The following B3GLCT variants were observed in gnomAD, a reference collection of about 807,000 sequenced individuals.
B3GLCT encodes beta 3-glucosyltransferase, also known as beta-1,3-glucosyltransferase.
Under a neutral mutation model 63.4 loss-of-function variants are expected in B3GLCT, and 65 were observed. The observed-to-expected ratio is 1.03, with a 90% CI of 0.84 to 1.26. B3GLCT has a LOEUF of 1.26. Ranked by LOEUF, B3GLCT falls within the 50% of genes most tolerant of loss-of-function variation. The pLI is 0.00. For missense variants in B3GLCT, 577 were observed against 604.8 expected (o/e 0.95, Z 0.48); for synonymous variants, 233 against 219.2 (o/e 1.06, Z -0.55).
intron 14 of B3GLCT, among the ~76,000 whole-genome samples, chr13:31,326,075 C>G (rs1427849713): frequency 6.6e-6 from 1 of 152,100 alleles, no homozygotes; most frequent in Non-Finnish European, 1.5e-5. Context: ...GGTTGCTCAA[C>G]TCTGGAAATT....
At position 31,332,143 on chromosome 13, in the gene B3GLCT, TGAA is replaced by T. The variant is rs941628852; in HGVS notation, c.*2478_*2480del. 3 of 152,186 alleles carry T rather than the reference TGAA, an allele frequency of 2.0e-5. No individual in the cohort carries two copies. The highest frequency in any genetic ancestry group is 2.9e-5 in the Non-Finnish European group (2 of 68,008). 9.4% of individuals were successfully genotyped at this position (152,186 alleles called of 1,614,324 possible). On this transcript the variant is annotated 3_prime_UTR_variant, in exon 15 of 15. Transcript: ENST00000343307. ...GTGCTGTCTGCATTTCTGGGTTTAT[TGAA>T]GACCTCTTGTTGTATATATCCTCAA...
At chr13:31,311,022 G>A (rs1159290980) in intron 12 of B3GLCT, among the ~76,000 whole-genome samples, 7 of 152,240 alleles carry the variant, frequency 4.6e-5, no homozygotes, top group Non-Finnish European at 8.8e-5. Context: ...GCCCCGGCCA[G>A]AGGTGCAGCT....
intron 11 of B3GLCT, among the ~76,000 whole-genome samples, chr13:31,286,018 T>A (rs1873313920): frequency 6.6e-6 from 1 of 152,198 alleles, no homozygotes; most frequent in Non-Finnish European, 1.5e-5. Context: ...GTCATTAATA[T>A]AAGTTAATAT....
chr13:31,326,315 G>A (rs1367535645), intron 14 of B3GLCT, among the ~76,000 whole-genome samples: 5 of 95,486 alleles, frequency 5.2e-5, no homozygotes, highest in Admixed American at 1.8e-4. Context: ...ATGAAGTCTT[G>A]CTCTGTCACC....
At chr13:31,280,482 G>A (rs968150543) in intron 10 of B3GLCT, among the ~76,000 whole-genome samples, 1 of 152,160 alleles carries the variant, frequency 6.6e-6, no homozygotes, top group African/African-American at 2.4e-5. Context: ...AGAGTGGGGT[G>A]TACTGTTAAT....
intron 12 of B3GLCT, among the ~76,000 whole-genome samples, chr13:31,316,450 C>A (rs374361533): frequency 1.3e-4 from 5 of 37,132 alleles, no homozygotes; most frequent in Non-Finnish European, 3.3e-4. Context: ...TTTTTTGAGA[C>A]GGAGTTTCGC....
rs1047354805 is a variant in B3GLCT, at chr13:31,284,721, C to T, written c.924C>T (p.Ser308=). Residue 308 remains serine (S), a synonymous_variant, in exon 11 of 15, where the codon TCC becomes TCT. Coordinates refer to ENST00000343307, the MANE Select transcript of B3GLCT (RefSeq NM_194318.4). ...IEYYSDYTEN[S]IPTVDLGIPN... ...ACTATAGTGACTATACTGAAAATTC[C>T]ATTCCTACTGTGGATTTGGGAATTC... is the stretch of plus-strand genomic sequence containing the variant. 1 of 1,609,102 alleles carries T rather than the reference C, an allele frequency of 6.2e-7. No homozygotes were observed. The highest frequency in any genetic ancestry group is 8.5e-7 in the Non-Finnish European group (1 of 1,175,490).
chr13:31,219,463 C>G (rs185036283), intron 2 of B3GLCT, among the ~76,000 whole-genome samples: 12 of 152,320 alleles, frequency 7.9e-5, no homozygotes, highest in African/African-American at 2.9e-4. Flanking sequence ...ATTTGTGACA[C>G]ATTTAAAGTG....
intron 3 of B3GLCT, among the ~76,000 whole-genome samples, chr13:31,226,957 A>G (rs2137766674): frequency 6.6e-6 from 1 of 152,282 alleles, no homozygotes; most frequent in South Asian, 2.1e-4. Flanking sequence ...ATACTCATGT[A>G]ATCTTTTATA....
At chr13:31,279,553 G>A (rs1872960245) in intron 10 of B3GLCT, among the ~76,000 whole-genome samples, 1 of 152,166 alleles carries the variant, frequency 6.6e-6, no homozygotes, top group South Asian at 2.1e-4. Flanking sequence ...CGAATAGGGT[G>A]TGGGTCACAG....
intron 10 of B3GLCT, among the ~76,000 whole-genome samples, chr13:31,284,132 A>G (rs902668771): frequency 2.6e-5 from 4 of 152,192 alleles, no homozygotes; most frequent in Non-Finnish European, 4.4e-5. Flanking sequence ...TTTGAATGTT[A>G]GTACTTCCAC....
At chr13:31,224,572 G>A (rs1017461375) in intron 3 of B3GLCT, among the ~76,000 whole-genome samples, 9 of 152,050 alleles carry the variant, frequency 5.9e-5, no homozygotes, top group Admixed American at 1.3e-4. Flanking sequence ...TAGATTCAGG[G>A]CACCGAGAGC....
intron 11 of B3GLCT, among the ~76,000 whole-genome samples, chr13:31,286,181 C>G (rs1873321187): frequency 6.6e-6 from 1 of 152,186 alleles, no homozygotes; most frequent in South Asian, 2.1e-4. Context: ...GTTACTCTGT[C>G]TTACTCAGCA....
chr13:31,260,810 T>A, intron 6 of B3GLCT, 136 bp from the exon 7 acceptor site: 1 of 783,776 alleles, frequency 1.3e-6, no homozygotes, highest in Non-Finnish European at 2.1e-6. Context: ...TCACATTCTC[T>A]AGAAATATTT....
At chr13:31,319,685 T>C (rs765749799) in intron 13 of B3GLCT, among the ~76,000 whole-genome samples, 1 of 152,192 alleles carries the variant, frequency 6.6e-6, no homozygotes, top group Non-Finnish European at 1.5e-5. Context: ...GGTGATCTTA[T>C]GGCTTGATGC....
At chr13:31,323,712 A>G in intron 13 of B3GLCT, 39 bp from the exon 14 acceptor site, 1 of 1,613,320 alleles carries the variant, frequency 6.2e-7, no homozygotes, top group South Asian at 1.1e-5. Flanking sequence ...GTGTCTGTGG[A>G]GCTTCTCTAA....
rs577783560 is a variant in B3GLCT at position 31,246,932 on chromosome 13, T to C, written c.271-91T>C. 3.2e-5 allele frequency: 31 copies of C among 965,108 alleles called. No individual in the cohort carries two copies. The South Asian group carries it at 4.2e-4, about 13-fold the overall frequency. The allele number at this position is 965,108 out of a possible 1,614,324, so 59.8% of individuals were successfully genotyped here. A position where few individuals can be genotyped will look rare whatever the true frequency, so the allele number is the denominator to read the frequency against. On this transcript the variant is annotated intron_variant, in intron 4 of 14. Transcript: ENST00000343307. ...AAGCCAAGCCTTTTCTTTTTTTCTT[T>C]TTTCTTTTCTTTTCTTTTCTTTTTT...
At chr13:31,202,266 A>T (rs981307318) in intron 1 of B3GLCT, among the ~76,000 whole-genome samples, 22 of 152,318 alleles carry the variant, frequency 1.4e-4, no homozygotes, top group Middle Eastern at 3.4e-3. Context: ...TTAAACCCAC[A>T]TGCATATACA....
chr13:31,240,989 C>T (rs1356290500), intron 4 of B3GLCT, among the ~76,000 whole-genome samples: 3 of 152,110 alleles, frequency 2.0e-5, no homozygotes, highest in Non-Finnish European at 4.4e-5. Flanking sequence ...TTCACATATA[C>T]AACTGGCATT....
Sources: allele counts gnomAD v4.1 joint callset (sites outside exome capture counted in the v4.1 genomes callset), GRCh38; gene constraint gnomAD v4.1.1; transcripts MANE v1.5; gene names NCBI Gene and HGNC (gene_info 2026-07-23, HGNC 2026-07-21).